The following F2 variants were observed in gnomAD, a reference collection of about 807,000 sequenced individuals.
F2 encodes prothrombin.
F2 carries 34 observed loss-of-function variants against 81.9 expected under a neutral mutation model. That is an observed-to-expected ratio of 0.42 (90% confidence interval 0.32 to 0.55). F2 has a LOEUF of 0.55. F2 is among the 20% of genes least tolerant of loss of function. The pLI, the probability that F2 is intolerant of heterozygous loss-of-function variation, is 0.18. For synonymous variants in F2, 296 were observed against 326.4 expected (o/e 0.91, Z 1.01); for missense variants, 630 against 833.4 (o/e 0.76, Z 3.00).
In F2 at chr11:46,726,577, T is replaced by G. The variant is rs2134532792; in HGVS notation, c.954T>G (p.Ser318Arg). The part of the protein sequence containing the change: ...DRAIEGRTAT[S>R]EYQTFFNPRT... The stretch of plus-strand genomic sequence containing the variant: ...CCATCGAAGGGCGTACCGCCACCAG[T>G]GAGTACCAGACTTTCTTCAATCCGA... The change falls in exon 8 of 14, where the codon AGT (serine) becomes AGG (arginine). Residue 318 changes from serine to arginine, a missense_variant. Transcript: ENST00000311907. The surrounding 1 kb of genome is among the most constrained non-coding windows in gnomAD (Gnocchi z 5.9). 6.2e-7 allele frequency: 1 copy of G among 1,614,042 alleles called. No homozygotes were observed. Among genetic ancestry groups the G allele is most frequent in the Non-Finnish European group, 8.5e-7 (1 of 1,179,960 alleles).
At chr11:46,735,615 C>A (rs2064939208) in intron 12 of F2, among the ~76,000 whole-genome samples, 1 of 141,356 alleles carries the variant, frequency 7.1e-6, no homozygotes, top group Non-Finnish European at 1.5e-5. Flanking sequence ...AGAGTGAGAC[C>A]CTGTTTCTAT....
intron 4 of F2, among the ~76,000 whole-genome samples, 161 bp downstream of exon 4, chr11:46,721,001 T>C (rs1692780349): frequency 6.6e-6 from 1 of 151,986 alleles, no homozygotes; most frequent in Non-Finnish European, 1.5e-5. Flanking sequence ...TACCTGGCTC[T>C]GTGTCTGGCA....
chr11:46,738,906 G>A (rs1330864371), intron 12 of F2, 142 bp from the exon 13 acceptor site: 3 of 822,402 alleles, frequency 3.6e-6, no homozygotes, highest in South Asian at 1.4e-5. Flanking sequence ...AGATTTGCTA[G>A]GATTGGATGG....
rs2064889352 is a variant in F2 at position 46,728,291 on chromosome 11, GTCTCT to G, written c.1298+129_1298+133del. 29 of 1,095,694 alleles carry G rather than the reference GTCTCT, an allele frequency of 2.6e-5. No homozygotes were observed. The highest frequency in any genetic ancestry group is 3.6e-5 in the Non-Finnish European group (27 of 742,628). The allele number at this position is 1,095,694 out of a possible 1,614,324, so 67.9% of individuals were successfully genotyped here. On this transcript the variant is annotated intron_variant, in intron 10 of 13. Coordinates refer to ENST00000311907, the MANE Select transcript of F2 (RefSeq NM_000506.5). This position sits in a 1 kb window ranked among gnomAD's most constrained non-coding sequence, Gnocchi z 5.1. The stretch of plus-strand genomic sequence containing the variant: ...CCCCCCAGAATATAACATCCCAGCA[GTCTCT>G]GCTGGAAAGCCCATTTGGTCACGTC...
chr11:46,733,782 C>CTTTTTTTT (rs34296052), intron 12 of F2, among the ~76,000 whole-genome samples: 17 of 89,766 alleles, frequency 1.9e-4, no homozygotes, highest in Non-Finnish European at 2.0e-4. Flanking sequence ...GATTAAGGAC[C>CTTTTTTTT]TTTTTTTTTT....
chr11:46,738,964 G>A (rs1346109228), intron 12 of F2, 84 bp from the exon 13 acceptor site: 2 of 1,369,446 alleles, frequency 1.5e-6, no homozygotes, highest in Non-Finnish European at 2.1e-6. Context: ...GGGGTAAGTG[G>A]ACTCTCACCA....
Position 46,719,367 on chromosome 11 carries a change from A to G in F2, c.79+53A>G. The G allele has an allele frequency of 6.4e-7, 1 of 1,572,460 alleles. No individual in the cohort carries two copies. The highest frequency in any genetic ancestry group is 1.3e-5 in the African/African-American group (1 of 74,088). On this transcript the variant is annotated intron_variant, in intron 1 of 13. Coordinates refer to ENST00000311907, the MANE Select transcript of F2 (RefSeq NM_000506.5). This position sits in a 1 kb window ranked among gnomAD's most constrained non-coding sequence, Gnocchi z 4.7. Reference sequence around the variant, plus strand: ...GGCTGGAGGACTGGGGTGTGGGCCCATGGGCTGGGGTCTCCTGGCTGGACA... The same window carrying G: ...GGCTGGAGGACTGGGGTGTGGGCCCGTGGGCTGGGGTCTCCTGGCTGGACA...
Position 46,729,489 on chromosome 11 carries a change from C to T in F2, c.1582C>T (p.Leu528=). 1 of 1,614,130 alleles carries T rather than the reference C, an allele frequency of 6.2e-7. No homozygotes were observed. The change falls in exon 12 of 14, where the codon CTG becomes TTG. Residue 528 remains leucine (L), a synonymous_variant. Transcript: ENST00000311907. ...GQPSVLQVVN[L]PIVERPVCKD... ...GCCCAGTGTCCTGCAGGTGGTGAAC[C>T]TGCCCATTGTGGAGCGGCCGGTCTG...
Position 46,719,917 on chromosome 11 carries a change from A to C in F2, c.240+55A>C. 1 of 1,539,636 alleles carries C rather than the reference A, an allele frequency of 6.5e-7. No homozygotes were observed. On this transcript the variant is annotated intron_variant, in intron 2 of 13. Transcript: ENST00000311907. This position sits in a 1 kb window ranked among gnomAD's most constrained non-coding sequence, Gnocchi z 4.7. Reference sequence around the variant, plus strand: ...GGCCTCAGACCGGGCCCAACTCTAGACACTTCCACAGAGAAGCAAGCGAGG... The same window carrying C: ...GGCCTCAGACCGGGCCCAACTCTAGCCACTTCCACAGAGAAGCAAGCGAGG...
Position 46,720,526 on chromosome 11 carries a change from G to A in F2, c.244G>A (p.Val82Met), listed in dbSNP as rs751619623. ...EALESSTATD[V>M]FWAKYTACET... is the part of the protein sequence containing the mutation. ...ACTCCCAGCCCTTGTTTTTCAGGAT[G>A]TGTTCTGGGCCAAGTACACAGGTGA... The change falls in exon 3 of 14, where the codon GTG becomes ATG. Residue 82 changes from valine (V) to methionine (M), a missense_variant. Physicochemically the swap from Val to Met is conservative, Grantham distance 21 (BLOSUM62 1). Transcript: ENST00000311907. 6.2e-7 allele frequency: 1 copy of A among 1,614,152 alleles called. No homozygotes were observed. Among genetic ancestry groups the A allele is most frequent in the Admixed American group, 1.7e-5 (1 of 60,020 alleles).
chr11:46,734,241 G>A (rs1464348863), intron 12 of F2, among the ~76,000 whole-genome samples: 1 of 152,072 alleles, frequency 6.6e-6, no homozygotes, highest in East Asian at 1.9e-4. Flanking sequence ...GGTTCCACAG[G>A]TGCGTGCCTG....
intron 9 of F2, among the ~76,000 whole-genome samples, 187 bp from the exon 10 acceptor site, chr11:46,727,809 G>A (rs936710437): frequency 5.3e-5 from 8 of 152,076 alleles, no homozygotes; most frequent in Admixed American, 2.0e-4. Context: ...ATAAAAAAGT[G>A]TGAGGCAGCC....
At chr11:46,733,380 T>G (rs2064925486) in intron 12 of F2, among the ~76,000 whole-genome samples, 1 of 152,132 alleles carries the variant, frequency 6.6e-6, no homozygotes. Flanking sequence ...ATTTTTGTAT[T>G]TTTTGTAGAG....
rs944441422 is a variant in F2 at position 46,719,690 on chromosome 11, A to C, written c.80-12A>C. The C allele has an allele frequency of 1.9e-6, 3 of 1,581,868 alleles. No individual in the cohort carries two copies. The South Asian group carries it at 3.5e-5, about 18-fold the overall frequency. ...GAGGCCGCTGTCCCATGACCCCCCCACCGCCTTACAGTGTTCCTGGCTCCT... is the reference window on the plus strand; with the variant it reads ...GAGGCCGCTGTCCCATGACCCCCCCCCCGCCTTACAGTGTTCCTGGCTCCT... On this transcript the variant is annotated splice_polypyrimidine_tract_variant and intron_variant, in intron 1 of 13. Coordinates refer to ENST00000311907, the MANE Select transcript of F2 (RefSeq NM_000506.5). The surrounding 1 kb of genome is among the most constrained non-coding windows in gnomAD (Gnocchi z 4.7).
At chr11:46,725,794 C>T (rs191526429) in intron 6 of F2, 65 bp from the exon 7 acceptor site, 1 of 1,565,954 alleles carries the variant, frequency 6.4e-7, no homozygotes, top group Admixed American at 1.7e-5. Flanking sequence ...GGTTCACACC[C>T]CTGTCTGTTC....
At position 46,723,195 on chromosome 11, in the gene F2, G is replaced by A. The variant is rs1394574991; in HGVS notation, c.332G>A (p.Gly111Asp). The change falls in exon 5 of 14, where the codon GGT (glycine) becomes GAT (aspartate). Residue 111 changes from glycine to aspartate, a missense_variant. By Grantham distance (94) the Gly-to-Asp change is moderately conservative. Transcript: ENST00000311907. This position sits in a 1 kb window ranked among gnomAD's most constrained non-coding sequence, Gnocchi z 5.6. ...GTCTCCGCAGGTAACTGTGCTGAGG[G>A]TCTGGGTACGAACTACCGAGGGCAT... is the stretch of plus-strand genomic sequence containing the variant. ...AACLEGNCAE[G>D]LGTNYRGHVN... The A allele has an allele frequency of 6.2e-7, 1 of 1,613,922 alleles. No homozygotes were observed. The highest frequency in any genetic ancestry group is 8.5e-7 in the Non-Finnish European group (1 of 1,180,030).
intron 12 of F2, among the ~76,000 whole-genome samples, chr11:46,735,448 A>G (rs571698781): frequency 6.6e-6 from 1 of 151,782 alleles, no homozygotes; most frequent in East Asian, 1.9e-4. Context: ...TCAAAAAAAA[A>G]AGGAAAAAGA....
intron 12 of F2, 97 bp from the exon 13 acceptor site, chr11:46,738,950 TG>T: frequency 8.3e-7 from 1 of 1,210,884 alleles, no homozygotes; most frequent in Admixed American, 1.7e-5. Flanking sequence ...CAAGAATGAC[TG>T]GAGGGGTAAG....
intron 12 of F2, among the ~76,000 whole-genome samples, chr11:46,733,138 G>C (rs1313967206): frequency 2.0e-5 from 3 of 151,996 alleles, no homozygotes; most frequent in Admixed American, 2.0e-4. Context: ...TTCCATATTT[G>C]TAACTCTCTC....
Sources: allele counts gnomAD v4.1 joint callset (sites outside exome capture counted in the v4.1 genomes callset), GRCh38; gene constraint gnomAD v4.1.1; non-coding constraint Gnocchi (gnomAD v3.1); transcripts MANE v1.5; gene names NCBI Gene and HGNC (gene_info 2026-07-23, HGNC 2026-07-21).